Variants in CEP164 observed in about 807,000 individuals in gnomAD.
The protein encoded by CEP164 is centrosomal protein of 164 kDa.
CEP164 carries 162 observed loss-of-function variants against 182.7 expected under a neutral mutation model. That is an observed-to-expected ratio of 0.89 (90% CI 0.78 to 1.01). The LOEUF is 1.01. Ranked by LOEUF, CEP164 falls within the 50% of genes least tolerant of loss-of-function variation. CEP164 has a pLI of 0.00. For synonymous variants in CEP164, 661 were observed against 690.0 expected (o/e 0.96, Z 0.66); for missense variants, 1,735 against 1,790.4 (o/e 0.97, Z 0.56).
At chr11:117,380,033 C>T (rs75080332) in intron 11 of CEP164, among the ~76,000 whole-genome samples, 2,599 of 151,882 alleles carry the variant, frequency 0.017, 71 homozygotes, top group African/African-American at 0.058. Flanking sequence ...CTGAATGTAG[C>T]GAAGGAGCAC....
rs1322335159 is a variant in CEP164 at position 117,381,965 on chromosome 11, G to A, written c.1577+97G>A. Reference sequence around the variant, plus strand: ...CTAGTGCTGAGAGAGATGGGGGTGGGGTTGGCTTGGGGAGGGAGTGGGGAG... The same window carrying A: ...CTAGTGCTGAGAGAGATGGGGGTGGAGTTGGCTTGGGGAGGGAGTGGGGAG... On this transcript the variant is annotated intron_variant, in intron 13 of 32. Transcript: ENST00000278935. 2.2e-5 allele frequency: 26 copies of A among 1,177,124 alleles called. No homozygotes were observed. In the African/African-American group the frequency reaches 3.9e-4, roughly 18 times the overall value. 72.9% of individuals were successfully genotyped at this position (1,177,124 alleles called of 1,614,324 possible). A position where few individuals can be genotyped will look rare whatever the true frequency, so the allele number is the denominator to read the frequency against.
intron 6 of CEP164, 140 bp downstream of exon 6, chr11:117,362,133 A>G (rs1387873776): frequency 7.0e-6 from 6 of 858,294 alleles, no homozygotes; most frequent in South Asian, 1.8e-5. Flanking sequence ...GGGAAAATGT[A>G]ATTCGCACCT....
At chr11:117,398,451 A>G (rs1441712222) in intron 27 of CEP164, among the ~76,000 whole-genome samples, 1 of 152,184 alleles carries the variant, frequency 6.6e-6, no homozygotes, top group East Asian at 1.9e-4. Flanking sequence ...TCTATTAGGC[A>G]GTGCCCCAGT....
At chr11:117,403,781 T>C (rs2046395639) in intron 27 of CEP164, among the ~76,000 whole-genome samples, 1 of 152,212 alleles carries the variant, frequency 6.6e-6, no homozygotes, top group Non-Finnish European at 1.5e-5. Context: ...CCCATCACTT[T>C]TAGGTACACC....
At chr11:117,351,673 C>T (rs2039642202) in intron 4 of CEP164, 117 bp from the exon 5 acceptor site, 1 of 883,356 alleles carries the variant, frequency 1.1e-6, no homozygotes, top group African/African-American at 1.7e-5. Flanking sequence ...CTCCCTTTTC[C>T]ACCCCACTCT....
intron 1 of CEP164, among the ~76,000 whole-genome samples, chr11:117,321,787 T>A (rs565865376): frequency 5.9e-5 from 9 of 152,294 alleles, no homozygotes; most frequent in Admixed American, 6.5e-5. Flanking sequence ...AGCCTTGACC[T>A]CCTGTGCTCA....
In CEP164 at chr11:117,392,314, G is replaced by C. The variant is rs1477641833; in HGVS notation, c.2361+11G>C. 2 of 1,607,076 alleles carry C rather than the reference G, an allele frequency of 1.2e-6. No homozygotes were observed. Among genetic ancestry groups the C allele is most frequent in the Non-Finnish European group, 1.7e-6 (2 of 1,178,640 alleles). On this transcript the variant is annotated intron_variant, in intron 18 of 32. Transcript: ENST00000278935. ...GCCAAGCACCGGGAGGTAAGATGCA[G>C]CATCCTGGGCCCCCTTCATGGCTGA...
intron 27 of CEP164, among the ~76,000 whole-genome samples, chr11:117,402,421 A>G (rs978287695): frequency 5.9e-5 from 9 of 151,490 alleles, no homozygotes; most frequent in South Asian, 2.1e-4. Context: ...GGGTTTCACC[A>G]TGTTTTTCAG....
In CEP164 at chr11:117,334,514, G is replaced by A. The variant is rs562747858; in HGVS notation, c.-97-1091G>A. Among the ~76,000 whole-genome samples, 27 of 152,270 alleles carry A rather than the reference G, an allele frequency of 1.8e-4. No individual in the cohort carries two copies. The South Asian group carries it at 5.4e-3, about 30-fold the overall frequency. On this transcript the variant is annotated intron_variant, in intron 1 of 32. Transcript: ENST00000278935. ...AGTAGTTAAATATATCGCCAGGTGC[G>A]GTGGCTCCTGCCTGTAATTCCAGCA... is the stretch of plus-strand genomic sequence containing the variant.
At chr11:117,393,498 A>T (rs2045002565) in intron 20 of CEP164, among the ~76,000 whole-genome samples, 1 of 152,166 alleles carries the variant, frequency 6.6e-6, no homozygotes, top group South Asian at 2.1e-4. Context: ...ATTTTAACTC[A>T]TTTAGTCCTC....
chr11:117,359,521 G>A, intron 5 of CEP164: 1 of 985,418 alleles, frequency 1.0e-6, no homozygotes. Flanking sequence ...GCCCTGCTGG[G>A]AACCCACCCA....
At chr11:117,408,831 A>G in intron 28 of CEP164, 59 bp from the exon 29 acceptor site, 8 of 1,603,008 alleles carry the variant, frequency 5.0e-6, no homozygotes, top group Non-Finnish European at 6.0e-6. Flanking sequence ...AGGAAGGAAA[A>G]AGGAAGGGTA....
chr11:117,394,938 T>G lies in CEP164; in HGVS notation c.2779T>G (p.Leu927Val). The change falls in exon 22 of 33, where the codon TTA becomes GTA. Residue 927 changes from leucine (L) to valine (V), a missense_variant. Coordinates refer to ENST00000278935, the MANE Select transcript of CEP164 (RefSeq NM_014956.5). This position sits in a 1 kb window ranked among gnomAD's most constrained non-coding sequence, Gnocchi z 4.0. ...HREQERKLQDLELDLETRAKD... is the reference protein window; with the variant it reads ...HREQERKLQDVELDLETRAKD... ...TGGGCAGGAAAGGAAGCTCCAGGATTTAGAGTTGGACCTTGAAACCAGAGC... is the reference window on the plus strand; with the variant it reads ...TGGGCAGGAAAGGAAGCTCCAGGATGTAGAGTTGGACCTTGAAACCAGAGC... The G allele has an allele frequency of 6.2e-7, 1 of 1,614,056 alleles. No homozygotes were observed. The highest frequency in any genetic ancestry group is 8.5e-7 in the Non-Finnish European group (1 of 1,179,996).
In CEP164 at chr11:117,394,864, C is replaced by T; in HGVS notation, c.2761-56C>T. 1 of 1,553,124 alleles carries T rather than the reference C, an allele frequency of 6.4e-7. No individual in the cohort carries two copies. The highest frequency in any genetic ancestry group is 8.9e-7 in the Non-Finnish European group (1 of 1,127,058). On this transcript the variant is annotated intron_variant, in intron 21 of 32. Coordinates refer to ENST00000278935, the MANE Select transcript of CEP164 (RefSeq NM_014956.5). The surrounding 1 kb of genome is among the most constrained non-coding windows in gnomAD (Gnocchi z 4.0). ...GGTGGGTTCTGGAACCCCCTCCTGC[C>T]CCTCAGCTAATGCCTTACACTCTTT...
intron 8 of CEP164, among the ~76,000 whole-genome samples, chr11:117,368,247 G>C (rs529965441): frequency 1.8e-4 from 28 of 152,352 alleles, no homozygotes; most frequent in African/African-American, 6.5e-4. Context: ...AGGTGATGTG[G>C]TGAGGACCAG....
intron 4 of CEP164, among the ~76,000 whole-genome samples, chr11:117,345,379 A>C (rs953472412): frequency 6.6e-6 from 1 of 152,042 alleles, no homozygotes; most frequent in Admixed American, 6.6e-5. Flanking sequence ...CCTGTCTTGC[A>C]TTGCTCTTCC....
At chr11:117,324,019 G>C (rs1342486005), upstream of CEP164, 1 of 227,192 alleles carries the variant, frequency 4.4e-6, no homozygotes, top group Non-Finnish European at 9.5e-6. Context: ...CTAGGAGTAG[G>C]GAAAAAATTT....
In CEP164 at chr11:117,409,021, G is replaced by T. The variant is rs963921685; in HGVS notation, c.3741G>T (p.Gln1247His). 5 of 1,613,928 alleles carry T rather than the reference G, an allele frequency of 3.1e-6. No individual in the cohort carries two copies. In the Admixed American group the frequency reaches 8.3e-5, roughly 27 times the overall value. The change falls in exon 29 of 33, where the codon CAG (glutamine) becomes CAT (histidine). Residue 1247 changes from glutamine to histidine, a missense_variant. Physicochemically the swap from Gln to His is conservative, Grantham distance 24. Transcript: ENST00000278935. This position sits in a 1 kb window ranked among gnomAD's most constrained non-coding sequence, Gnocchi z 4.4. ...CGCCTCACCGTGAGTGGTGGCGGCAGCAGAGGAGTGAGTGGGGGAGATGCG... is the reference window on the plus strand; with the variant it reads ...CGCCTCACCGTGAGTGGTGGCGGCATCAGAGGAGTGAGTGGGGGAGATGCG... ...FSPPHREWWR[Q>H]QRIDSTPSLT...
intron 27 of CEP164, among the ~76,000 whole-genome samples, chr11:117,403,772 C>T (rs188260987): frequency 6.6e-6 from 1 of 152,236 alleles, no homozygotes; most frequent in East Asian, 1.9e-4. Context: ...TCCATTCTCC[C>T]CATCACTTTT....
Sources: allele counts gnomAD v4.1 joint callset (sites outside exome capture counted in the v4.1 genomes callset), GRCh38; gene constraint gnomAD v4.1.1; non-coding constraint Gnocchi (gnomAD v3.1); transcripts MANE v1.5; gene names NCBI Gene and HGNC (gene_info 2026-07-23, HGNC 2026-07-21).